PAFAH2: variants seen among roughly 807,000 people sequenced by gnomAD.
PAFAH2 encodes platelet-activating factor acetylhydrolase 2, cytoplasmic.
PAFAH2 carries 42 observed loss-of-function variants against 49.0 expected under a neutral mutation model. The observed-to-expected ratio is 0.86, with a 90% CI of 0.67 to 1.11. PAFAH2 has a LOEUF of 1.11. Ranked by LOEUF, PAFAH2 falls within the 50% of genes least tolerant of loss-of-function variation. The probability of loss-of-function intolerance (pLI) is 0.00; values close to 1 mark genes in which losing one functional copy is unlikely to be tolerated. For missense variants in PAFAH2, 503 were observed against 501.8 expected (o/e 1.00, Z -0.02); for synonymous variants, 184 against 181.3 (o/e 1.01, Z -0.12).
Position 25,976,887 on chromosome 1 carries a change from C to T in PAFAH2, c.667-114G>A, listed in dbSNP as rs550128827. The T allele has an allele frequency of 1.7e-5, 12 of 700,016 alleles. No individual in the cohort carries two copies. The East Asian group carries it at 3.2e-4, about 19-fold the overall frequency. 43.4% of individuals were successfully genotyped at this position (700,016 alleles called of 1,614,324 possible). On this transcript the variant is annotated intron_variant, in intron 7 of 10. Transcript: ENST00000374282. ...CAATGAGGCCAAAGGCACAATACAG[C>T]AAGTGAGTCCACCAACACCACACTG...
chr1:25,961,281 G>C lies in PAFAH2; in HGVS notation c.*708C>G, dbSNP rs1421161209. The C allele has an allele frequency of 6.6e-6, 1 of 152,104 alleles. No individual in the cohort carries two copies. Among genetic ancestry groups the C allele is most frequent in the Non-Finnish European group, 1.5e-5 (1 of 68,040 alleles). The allele number at this position is 152,104 out of a possible 1,614,324, so 9.4% of individuals were successfully genotyped here. A position where few individuals can be genotyped will look rare whatever the true frequency, so the allele number is the denominator to read the frequency against. ...GTTGTTTCCTATCAAGATACACTTA[G>C]CAAAACCCCCAAAGACATCCAGAGC... On this transcript the variant is annotated 3_prime_UTR_variant, in exon 11 of 11. Coordinates refer to ENST00000374282, the MANE Select transcript of PAFAH2 (RefSeq NM_000437.4).
chr1:25,989,356 T>C, intron 3 of PAFAH2, 92 bp downstream of exon 3: 5 of 1,244,288 alleles, frequency 4.0e-6, no homozygotes, highest in Non-Finnish European at 5.4e-6. Context: ...GCCTGGACAC[T>C]GCAGGCTATA....
rs141878649 is a variant in PAFAH2, at chr1:25,988,646, T to C, written c.245-319A>G. The stretch of plus-strand genomic sequence containing the variant: ...AGTGAAACCCCGTCTCTACTAAAAA[T>C]ACAAAAATTAGCTGGGCGTGGTGGC... On this transcript the variant is annotated intron_variant, in intron 3 of 10. Coordinates refer to ENST00000374282, the MANE Select transcript of PAFAH2 (RefSeq NM_000437.4). Among the ~76,000 whole-genome samples, 826 of 151,114 alleles carry C rather than the reference T, an allele frequency of 5.5e-3. 5 individuals are homozygous for C. The highest frequency in any genetic ancestry group is 7.8e-3 in the Non-Finnish European group (530 of 67,718).
At chr1:25,988,037 G>A (rs536200638) in intron 4 of PAFAH2, among the ~76,000 whole-genome samples, 194 bp downstream of exon 4, 1 of 152,192 alleles carries the variant, frequency 6.6e-6, no homozygotes, top group Admixed American at 6.5e-5. Context: ...CTGCTGAAAG[G>A]CTCCACAAGG....
rs780109554 is a variant in PAFAH2 at position 25,984,085 on chromosome 1, T to C, written c.413A>G (p.Asp138Gly). The change falls in exon 6 of 11, where the codon GAC (aspartate) becomes GGC (glycine). Residue 138 changes from aspartate (D) to glycine (G), a missense_variant and splice_region_variant. Asp to Gly is a moderately conservative substitution (Grantham distance 94, BLOSUM62 -1). Coordinates refer to ENST00000374282, the MANE Select transcript of PAFAH2 (RefSeq NM_000437.4). The part of the protein sequence containing the change: ...GFVVAVPEHR[D>G]RSAATTYFCK... Reference sequence around the variant, plus strand: ...GAAATAGGTGGTTGCCGCTGACCGGTCCCTGAAATACACACATCATCAGAG... The same window carrying C: ...GAAATAGGTGGTTGCCGCTGACCGGCCCCTGAAATACACACATCATCAGAG... 45 of 1,613,936 alleles carry C rather than the reference T, an allele frequency of 2.8e-5. 1 individual carries two copies. The highest frequency in any genetic ancestry group is 3.8e-5 in the Non-Finnish European group (45 of 1,179,908).
chr1:25,986,172 C>T (rs551425977), intron 4 of PAFAH2, among the ~76,000 whole-genome samples: 5 of 152,290 alleles, frequency 3.3e-5, no homozygotes, highest in African/African-American at 1.2e-4. Context: ...TATGAAAGCA[C>T]ATTCTGGAAA....
chr1:25,979,730 T>C (rs971201212), intron 7 of PAFAH2, among the ~76,000 whole-genome samples: 37 of 152,118 alleles, frequency 2.4e-4, no homozygotes, highest in Non-Finnish European at 4.3e-4. Flanking sequence ...CCTAAGGTGG[T>C]CCGCCCGCCT....
At chr1:25,982,287 G>T in intron 7 of PAFAH2, 77 bp downstream of exon 7, 2 of 1,036,130 alleles carry the variant, frequency 1.9e-6, no homozygotes, top group Non-Finnish European at 3.0e-6. Context: ...GTTCATACCA[G>T]TTAGTTAGGT....
chr1:25,977,283 G>A (rs1325035218), intron 7 of PAFAH2, among the ~76,000 whole-genome samples: 1 of 151,228 alleles, frequency 6.6e-6, no homozygotes, highest in Non-Finnish European at 1.5e-5. Flanking sequence ...ACAGGCGTGA[G>A]CCACCGCGCC....
chr1:25,963,452 G>C (rs2049371086), intron 10 of PAFAH2, among the ~76,000 whole-genome samples: 1 of 152,156 alleles, frequency 6.6e-6, no homozygotes. Flanking sequence ...GGGAAGCACT[G>C]GTGGTGGCCA....
chr1:25,988,089 A>G, intron 4 of PAFAH2, 142 bp downstream of exon 4: 2 of 598,464 alleles, frequency 3.3e-6, no homozygotes, highest in Non-Finnish European at 5.9e-6. Context: ...AGGTGAACCC[A>G]ATGCTATGGG....
At position 25,962,081 on chromosome 1, in the gene PAFAH2, G is replaced by A. The variant is rs754322407; in HGVS notation, c.1087C>T (p.Leu363=). 1 of 1,611,214 alleles carries A rather than the reference G, an allele frequency of 6.2e-7. No homozygotes were observed. The highest frequency in any genetic ancestry group is 1.1e-5 in the South Asian group (1 of 90,814). ...TTCCATTGATTATAGTCTTCTTTCA[G>A]GTCTGAAAAGGAAAAAAACAGGAAC... The part of the protein sequence containing the change: ...MLAFLQKHLD[L]KEDYNQWNNL... The change falls in exon 11 of 11, where the codon CTG becomes TTG. Residue 363 remains leucine, a splice_region_variant and synonymous_variant. Coordinates refer to ENST00000374282, the MANE Select transcript of PAFAH2 (RefSeq NM_000437.4).
At chr1:25,992,011 G>A (rs1476854525) in intron 1 of PAFAH2, among the ~76,000 whole-genome samples, 1 of 152,214 alleles carries the variant, frequency 6.6e-6, no homozygotes, top group Non-Finnish European at 1.5e-5. Context: ...TAATCCGGAA[G>A]CTAAGTTCTT....
At position 25,984,003 on chromosome 1, in the gene PAFAH2, C is replaced by A; in HGVS notation, c.495G>T (p.Trp165Cys). The A allele has an allele frequency of 6.2e-7, 1 of 1,614,184 alleles. No homozygotes were observed. Among genetic ancestry groups the A allele is most frequent in the Non-Finnish European group, 8.5e-7 (1 of 1,180,020 alleles). Residue 165 changes from tryptophan (W) to cysteine (C), a missense_variant, in exon 6 of 11, where the codon TGG (tryptophan) becomes TGT (cysteine). Physicochemically the swap from Trp to Cys is radical, Grantham distance 215. Transcript: ENST00000374282. The part of the protein sequence containing the change: ...QPTNESLQEE[W>C]IPFRRVEEGE... ...CTTCCTCAACTCGACGGAAAGGGATCCATTCCTCCTGCAGCGATTCATTGG... is the reference window on the plus strand; with the variant it reads ...CTTCCTCAACTCGACGGAAAGGGATACATTCCTCCTGCAGCGATTCATTGG...
intron 4 of PAFAH2, among the ~76,000 whole-genome samples, chr1:25,985,931 T>G (rs780166631): frequency 1.3e-5 from 2 of 152,268 alleles, no homozygotes; most frequent in Non-Finnish European, 2.9e-5. Flanking sequence ...AGATGTCTGC[T>G]GAATGAATGA....
At chr1:25,971,238 G>A (rs1047856970) in intron 10 of PAFAH2, among the ~76,000 whole-genome samples, 2 of 152,228 alleles carry the variant, frequency 1.3e-5, no homozygotes, top group African/African-American at 2.4e-5. Flanking sequence ...AGCACCTGCT[G>A]AGGGATCAGA....
chr1:25,971,286 G>A (rs1164030844), intron 10 of PAFAH2, among the ~76,000 whole-genome samples: 1 of 152,178 alleles, frequency 6.6e-6, no homozygotes, highest in Non-Finnish European at 1.5e-5. Flanking sequence ...AGCCTAGCTG[G>A]GACGGGGCTA....
rs1363773816 is a variant in PAFAH2, at chr1:25,961,088, G to A, written c.*901C>T. The A allele has an allele frequency of 6.6e-6, 1 of 152,342 alleles. No homozygotes were observed. The highest frequency in any genetic ancestry group is 6.5e-5 in the Admixed American group (1 of 15,274). 9.4% of individuals were successfully genotyped at this position (152,342 alleles called of 1,614,324 possible). ...CCCAAAGTGTTGGGATTACAGGCAT[G>A]AGCCACCACGCCCAGCCTTCTTTAT... On this transcript the variant is annotated 3_prime_UTR_variant, in exon 11 of 11. Coordinates refer to ENST00000374282, the MANE Select transcript of PAFAH2 (RefSeq NM_000437.4).
At chr1:25,968,401 G>A (rs1041150131) in intron 10 of PAFAH2, among the ~76,000 whole-genome samples, 4 of 152,038 alleles carry the variant, frequency 2.6e-5, no homozygotes, top group Admixed American at 2.6e-4. Flanking sequence ...GAAGTGGGAG[G>A]CAAAGTTAAC....
Sources: gnomAD v4.1 joint callset for allele counts (sites outside exome capture counted in the v4.1 genomes callset) on GRCh38, gnomAD v4.1.1 for gene constraint, MANE v1.5 for transcripts, NCBI Gene and HGNC (gene_info 2026-07-23, HGNC 2026-07-21) for gene names.